EPHA6: variants seen among roughly 807,000 people sequenced by gnomAD.
EPHA6 encodes ephrin type-A receptor 6.
EPHA6 carries 50 observed loss-of-function variants against 112.0 expected under a neutral mutation model. The ratio of observed to expected loss-of-function variants is 0.45; its 90% confidence interval spans 0.36 to 0.56. The LOEUF (loss-of-function observed/expected upper bound fraction) is 0.56. Ranked by LOEUF, EPHA6 falls within the 20% of genes least tolerant of loss-of-function variation. The probability of loss-of-function intolerance (pLI) is 0.00; values close to 1 mark genes in which losing one functional copy is unlikely to be tolerated. For missense variants in EPHA6, 1,280 were observed against 1,417.4 expected (o/e 0.90, Z 1.56); for synonymous variants, 529 against 490.7 (o/e 1.08, Z -1.03).
chr3:97,047,499 C>CAAAAA (rs556388538), intron 3 of EPHA6, among the ~76,000 whole-genome samples: 2 of 46,418 alleles, frequency 4.3e-5, no homozygotes, highest in Non-Finnish European at 4.8e-5. Flanking sequence ...GACTCTGTCT[C>CAAAAA]AAAAAAAAAA....
Position 97,095,752 on chromosome 3 carries a change from G to T in EPHA6, c.1114+107759G>T, listed in dbSNP as rs2047217510. Among the ~76,000 whole-genome samples, 3 of 150,426 alleles carry T rather than the reference G, an allele frequency of 2.0e-5. No individual in the cohort carries two copies. In the South Asian group the frequency reaches 6.2e-4, roughly 31 times the overall value. ...TGTTGTGTACCATCATCACTTGAAG[G>T]ACTTGTTAAAAAATAAAAAAAAAAA... On this transcript the variant is annotated intron_variant, in intron 3 of 17. Coordinates refer to ENST00000389672, the MANE Select transcript of EPHA6 (RefSeq NM_001080448.3).
At chr3:97,727,413 T>C (rs2034821274) in intron 15 of EPHA6, among the ~76,000 whole-genome samples, 1 of 152,092 alleles carries the variant, frequency 6.6e-6, no homozygotes, top group Non-Finnish European at 1.5e-5. Flanking sequence ...CTGTACTTCC[T>C]GTTTGTCCTC....
rs1453368097 is a variant in EPHA6, at chr3:96,987,800, C to T, written c.921C>T (p.Asn307=). 1.2e-6 allele frequency: 2 copies of T among 1,613,994 alleles called. No individual in the cohort carries two copies. Among genetic ancestry groups the T allele is most frequent in the South Asian group, 1.1e-5 (1 of 91,086 alleles). Residue 307 remains asparagine (N), a synonymous_variant, in exon 3 of 18, where the codon AAC becomes AAT. Coordinates refer to ENST00000389672, the MANE Select transcript of EPHA6 (RefSeq NM_001080448.3). ...FYKKCPFTVR[N]LAMFPDTIPR... The stretch of plus-strand genomic sequence containing the variant: ...AGAAATGCCCCTTCACTGTTCGTAA[C>T]TTGGCCATGTTTCCTGATACCATTC...
In EPHA6 at chr3:96,968,072, A is replaced by C. The variant is rs548851378; in HGVS notation, c.451-19258A>C. 2.0e-5 allele frequency among the ~76,000 whole-genome samples: 3 copies of C among 151,602 alleles called. No individual in the cohort carries two copies. The South Asian group carries it at 6.2e-4, about 32-fold the overall frequency. ...TGACTCATTCTGTAATATTTTCTGTAGTTTACAATGTAGTTTTTCTATTTT... is the reference window on the plus strand; with the variant it reads ...TGACTCATTCTGTAATATTTTCTGTCGTTTACAATGTAGTTTTTCTATTTT... On this transcript the variant is annotated intron_variant, in intron 2 of 17. Coordinates refer to ENST00000389672, the MANE Select transcript of EPHA6 (RefSeq NM_001080448.3).
chr3:97,591,878 T>G (rs542496749), intron 11 of EPHA6, among the ~76,000 whole-genome samples: 6 of 152,316 alleles, frequency 3.9e-5, no homozygotes, highest in African/African-American at 1.4e-4. Flanking sequence ...CTCAGTTTGT[T>G]GGTCTAAAAT....
At chr3:97,123,229 A>G (rs1168886627) in intron 3 of EPHA6, among the ~76,000 whole-genome samples, 1 of 152,134 alleles carries the variant, frequency 6.6e-6, no homozygotes, top group African/African-American at 2.4e-5. Context: ...GCACTGAAGC[A>G]TTATTTTCTT....
At chr3:97,242,036 C>G (rs2078864210) in intron 4 of EPHA6, among the ~76,000 whole-genome samples, 1 of 151,594 alleles carries the variant, frequency 6.6e-6, no homozygotes, top group Admixed American at 6.6e-5. Flanking sequence ...TGTATCATCC[C>G]CTTCATGTTT....
chr3:97,735,422 T>C (rs879819053), intron 15 of EPHA6, among the ~76,000 whole-genome samples: 12 of 151,990 alleles, frequency 7.9e-5, no homozygotes, highest in South Asian at 2.1e-4. Context: ...GAATAGAAAC[T>C]AAATTAATGA....
At chr3:97,429,567 G>A (rs567529714) in intron 6 of EPHA6, among the ~76,000 whole-genome samples, 34 of 152,108 alleles carry the variant, frequency 2.2e-4, no homozygotes, top group Middle Eastern at 3.4e-3. Context: ...GACCTCAGCC[G>A]TGAGCCTAGA....
chr3:97,088,531 A>G (rs941213171), intron 3 of EPHA6, among the ~76,000 whole-genome samples: 1 of 152,082 alleles, frequency 6.6e-6, no homozygotes, highest in Non-Finnish European at 1.5e-5. Flanking sequence ...AAGGACTTTC[A>G]TGATTCATTT....
chr3:97,558,936 T>C (rs769302516), intron 11 of EPHA6, among the ~76,000 whole-genome samples: 19 of 152,042 alleles, frequency 1.2e-4, no homozygotes, highest in Non-Finnish European at 2.4e-4. Flanking sequence ...AAATAGTGCT[T>C]ATTGATAACT....
chr3:97,228,311 A>G (rs905899615), intron 4 of EPHA6, among the ~76,000 whole-genome samples: 1 of 151,998 alleles, frequency 6.6e-6, no homozygotes, highest in African/African-American at 2.4e-5. Flanking sequence ...TTTATCACTC[A>G]CTACCCTCCC....
chr3:96,941,959 G>A (rs946246688), intron 2 of EPHA6, among the ~76,000 whole-genome samples: 2 of 152,206 alleles, frequency 1.3e-5, no homozygotes, highest in Non-Finnish European at 2.9e-5. Flanking sequence ...GCTGCTGCCT[G>A]ATCGTTGCTC....
At chr3:97,481,510 G>A (rs1031625620) in intron 9 of EPHA6, 6 of 1,010,338 alleles carry the variant, frequency 5.9e-6, no homozygotes, top group East Asian at 5.4e-5. Flanking sequence ...TTCTTCCTCC[G>A]GCGCGGGGCT....
chr3:97,431,337 A>T (rs569883802), intron 6 of EPHA6, among the ~76,000 whole-genome samples: 14 of 152,286 alleles, frequency 9.2e-5, no homozygotes, highest in African/African-American at 3.4e-4. Context: ...TAAGTCAAAA[A>T]TATCATAAGT....
intron 5 of EPHA6, among the ~76,000 whole-genome samples, chr3:97,251,537 AT>A (rs2079141810): frequency 6.6e-6 from 1 of 152,052 alleles, no homozygotes; most frequent in African/African-American, 2.4e-5. Flanking sequence ...CAAAAAAAAA[AT>A]AAATAAAACA....
rs576731335 is a variant in EPHA6, at chr3:97,310,353, C to T, written c.1606+66066C>T. Among the ~76,000 whole-genome samples the T allele has an allele frequency of 4.6e-5, 7 of 151,538 alleles. No homozygotes were observed. In the East Asian group the frequency reaches 5.8e-4, roughly 13 times the overall value. ...TTCAATTTGGAAAAGGCAGCCTCTA[C>T]GGACCACTGAGAACCACTAAAATAT... On this transcript the variant is annotated intron_variant, in intron 5 of 17. Transcript: ENST00000389672.
chr3:96,896,163 C>G (rs1389539785), intron 2 of EPHA6, among the ~76,000 whole-genome samples: 1 of 152,116 alleles, frequency 6.6e-6, no homozygotes, highest in Non-Finnish European at 1.5e-5. Context: ...GCCTTTTTTA[C>G]TCTGTCCTCC....
intron 3 of EPHA6, among the ~76,000 whole-genome samples, chr3:97,017,806 T>C (rs1421024167): frequency 6.6e-6 from 1 of 152,146 alleles, no homozygotes; most frequent in Non-Finnish European, 1.5e-5. Context: ...ATAACTTTAT[T>C]GTATTTGGAT....
Sources: allele counts gnomAD v4.1 joint callset (sites outside exome capture counted in the v4.1 genomes callset), GRCh38; gene constraint gnomAD v4.1.1; transcripts MANE v1.5; gene names NCBI Gene and HGNC (gene_info 2026-07-23, HGNC 2026-07-21).